Variants in ARHGAP33 observed in about 807,000 individuals in gnomAD.
ARHGAP33 encodes Rho GTPase activating protein 33, also known as rho GTPase-activating protein 33.
Under a neutral mutation model 126.2 loss-of-function variants are expected in ARHGAP33, and 57 were observed. That is an observed-to-expected ratio of 0.45 (90% CI 0.36 to 0.56). The LOEUF (loss-of-function observed/expected upper bound fraction) is 0.56, where lower values mean the gene tolerates loss of function less well. Ranked by LOEUF, ARHGAP33 falls within the 20% of genes least tolerant of loss-of-function variation. The pLI is 0.00. For missense variants in ARHGAP33, 1,500 were observed against 1,748.3 expected (o/e 0.86, Z 2.53); for synonymous variants, 711 against 755.0 (o/e 0.94, Z 0.95).
intron 15 of ARHGAP33, 70 bp from the exon 16 acceptor site, chr19:35,784,102 C>T: frequency 7.1e-7 from 1 of 1,403,310 alleles, no homozygotes; most frequent in South Asian, 1.3e-5. Flanking sequence ...CCTGGCTCCC[C>T]TCATTGCCCT....
Position 35,787,990 on chromosome 19 carries a change from C to G in ARHGAP33, c.3425C>G (p.Pro1142Arg). The G allele has an allele frequency of 6.5e-7, 1 of 1,546,342 alleles. No individual in the cohort carries two copies. Among genetic ancestry groups the G allele is most frequent in the South Asian group, 1.1e-5 (1 of 89,334 alleles). ...PDFLLSYPPA[P>R]SCFPPDHLGY... ...TTCCTGCTCAGCTACCCGCCAGCCC[C>G]CTCCTGCTTTCCCCCTGACCACCTT... is the stretch of plus-strand genomic sequence containing the variant. Residue 1142 changes from proline (P) to arginine (R), a missense_variant, in exon 21 of 21, where the codon CCC (proline) becomes CGC (arginine). By Grantham distance (103) the Pro-to-Arg change is moderately radical. This residue lies in a region of ARHGAP33 where 642 missense variants were observed against 634.0 expected (regional missense o/e 1.01). Transcript: ENST00000007510.
At position 35,782,068 on chromosome 19, in the gene ARHGAP33, A is replaced by T. The variant is rs892052916; in HGVS notation, c.1086-305A>T. On this transcript the variant is annotated intron_variant, in intron 12 of 20. Transcript: ENST00000007510. This position sits in a 1 kb window ranked among gnomAD's most constrained non-coding sequence, Gnocchi z 4.1. ...TTTCCAGTGCCCTCTTACAGCCAGG[A>T]GAATGGCAGCTGCATGGTAGGAGCT... Among the ~76,000 whole-genome samples, 6 of 152,294 alleles carry T rather than the reference A, an allele frequency of 3.9e-5. No homozygotes were observed. Among genetic ancestry groups the T allele is most frequent in the African/African-American group, 1.4e-4 (6 of 41,554 alleles).
chr19:35,786,832 G>T lies in ARHGAP33; in HGVS notation c.2362G>T (p.Ala788Ser), dbSNP rs767651865. 12 of 1,382,344 alleles carry T rather than the reference G, an allele frequency of 8.7e-6. No homozygotes were observed. Among genetic ancestry groups the T allele is most frequent in the Non-Finnish European group, 1.1e-5 (11 of 1,046,818 alleles). 85.6% of individuals were successfully genotyped at this position (1,382,344 alleles called of 1,614,324 possible). Reference sequence around the variant, plus strand: ...CTCGCCCCGGGGGCCCACCAGCCCCGCCTCGCCTGCTGCCCTAGACATCTC... The same window carrying T: ...CTCGCCCCGGGGGCCCACCAGCCCCTCCTCGCCTGCTGCCCTAGACATCTC... ...AISPRGPTSP[A>S]SPAALDISEP... The change falls in exon 20 of 21, where the codon GCC becomes TCC. Residue 788 changes from alanine (A) to serine (S), a missense_variant. This residue lies in a region of ARHGAP33 where 73 missense variants were observed against 110.8 expected (regional missense o/e 0.66). Coordinates refer to ENST00000007510, the MANE Select transcript of ARHGAP33 (RefSeq NM_001366178.1). This position sits in a 1 kb window ranked among gnomAD's most constrained non-coding sequence, Gnocchi z 7.0.
At chr19:35,783,154 G>A (rs1048849394) in intron 15 of ARHGAP33, among the ~76,000 whole-genome samples, 2 of 152,164 alleles carry the variant, frequency 1.3e-5, no homozygotes, top group Non-Finnish European at 2.9e-5. Context: ...GGGAAGGGCA[G>A]TGTGCAGGGT....
chr19:35,787,349 A>G lies in ARHGAP33; in HGVS notation c.2784A>G (p.Gln928=), dbSNP rs756260638. ...GTGGGGGCACCCCACCTGCTTCCCA[A>G]TCCCCCTTCCACCGCTCGCTGTCTC... ...QECGGTPPAS[Q]SPFHRSLSLE... Residue 928 remains glutamine (Q), a synonymous_variant, in exon 21 of 21, where the codon CAA becomes CAG. Transcript: ENST00000007510. The G allele has an allele frequency of 2.4e-4, 388 of 1,610,820 alleles. 1 individual carries two copies. The highest frequency in any genetic ancestry group is 3.1e-4 in the Non-Finnish European group (368 of 1,178,610).
intron 12 of ARHGAP33, 73 bp downstream of exon 12, chr19:35,781,325 T>C: frequency 6.9e-7 from 1 of 1,454,202 alleles, no homozygotes; most frequent in South Asian, 1.1e-5. Flanking sequence ...CCGTGCTGCA[T>C]GCTGGGGACA....
At chr19:35,785,891 G>T in intron 19 of ARHGAP33, 1 of 1,114,252 alleles carries the variant, frequency 9.0e-7, no homozygotes, top group African/African-American at 1.7e-5. Context: ...AGGTGTGTGT[G>T]TAAGGATCAT....
chr19:35,784,686 C>A, intron 16 of ARHGAP33: 5 of 1,250,150 alleles, frequency 4.0e-6, no homozygotes, highest in Non-Finnish European at 4.0e-6. Context: ...CTCAGCACGT[C>A]GGAGGGCCCT....
chr19:35,782,626 G>A lies in ARHGAP33; in HGVS notation c.1260G>A (p.Glu420=). 6.2e-7 allele frequency: 1 copy of A among 1,613,758 alleles called. No homozygotes were observed. Among genetic ancestry groups the A allele is most frequent in the South Asian group, 1.1e-5 (1 of 91,034 alleles). The change falls in exon 14 of 21, where the codon GAG becomes GAA. Residue 420 remains glutamate (E), a synonymous_variant. Coordinates refer to ENST00000007510, the MANE Select transcript of ARHGAP33 (RefSeq NM_001366178.1). The surrounding 1 kb of genome is among the most constrained non-coding windows in gnomAD (Gnocchi z 4.1). ...CCATGTCAGTGCCTGGGGAGGAGGA[G>A]CGTCTGGTGCGGGTGCACGATGTCA... ...SEAMSVPGEE[E]RLVRVHDVIQ...
chr19:35,780,364 G>A (rs754932307), intron 7 of ARHGAP33, 31 bp downstream of exon 7: 3 of 1,612,482 alleles, frequency 1.9e-6, no homozygotes, highest in Non-Finnish European at 1.7e-6. Flanking sequence ...ATTCCAGCTG[G>A]GCTCCCCACA....
rs554372814 is a variant in ARHGAP33 at position 35,787,442 on chromosome 19, G to A, written c.2877G>A (p.Pro959=). The change falls in exon 21 of 21, where the codon CCG becomes CCA. Residue 959 remains proline (P), a synonymous_variant. Transcript: ENST00000007510. ...CACCTCCCAACTCCCTAGCACACCC[G>A]GGTGCCTGGGTCCCGGGACCCCCAC... ...SGPPPNSLAH[P]GAWVPGPPPY... The A allele has an allele frequency of 2.1e-5, 34 of 1,611,984 alleles. No individual in the cohort carries two copies. The highest frequency in any genetic ancestry group is 8.4e-5 in the Admixed American group (5 of 59,848).
rs1295230499 is a variant in ARHGAP33 at position 35,777,712 on chromosome 19, G to T, written c.74G>T (p.Gly25Val). The T allele has an allele frequency of 6.2e-7, 1 of 1,607,094 alleles. No homozygotes were observed. The highest frequency in any genetic ancestry group is 1.3e-5 in the African/African-American group (1 of 74,890). ...GTGCAGCCTCTACCCACTGCTGGGG[G>T]GCCCAGTGTGAAGGGGAAGCCTGGG... ...GSVQPLPTAG[G>V]PSVKGKPGKR... The change falls in exon 2 of 21, where the codon GGG becomes GTG. Residue 25 changes from glycine (G) to valine (V), a missense_variant. Gly to Val is a moderately radical substitution (Grantham distance 109, BLOSUM62 -3). Transcript: ENST00000007510.
rs748958050 is a variant in ARHGAP33, at chr19:35,784,311, C to T, written c.1561C>T (p.Pro521Ser). The T allele has an allele frequency of 6.3e-7, 1 of 1,574,972 alleles. No individual in the cohort carries two copies. Among genetic ancestry groups the T allele is most frequent in the Non-Finnish European group, 8.6e-7 (1 of 1,158,770 alleles). Residue 521 changes from proline to serine, a missense_variant, in exon 16 of 21, where the codon CCT (proline) becomes TCT (serine). Around this residue, in one of 6 missense-constraint regions of ARHGAP33, gnomAD observed 300 missense variants for 291.1 expected, o/e 1.03. Transcript: ENST00000007510. Reference protein sequence around the residue: ...SDTFTSAGLDPAGRCLLPRPK... With the variant: ...SDTFTSAGLDSAGRCLLPRPK... ...CACCTTCACCTCCGCCGGCCTCGAC[C>T]CTGCAGGTATGCCCTCCCACCCCCT... is the stretch of plus-strand genomic sequence containing the variant.
rs2146747545 is a variant in ARHGAP33, at chr19:35,786,405, C to T, written c.1943-8C>T. The T allele has an allele frequency of 6.6e-7, 1 of 1,525,478 alleles. No homozygotes were observed. The highest frequency in any genetic ancestry group is 1.2e-5 in the South Asian group (1 of 82,456). The allele number at this position is 1,525,478 out of a possible 1,614,324, so 94.5% of individuals were successfully genotyped here. On this transcript the variant is annotated splice_region_variant and splice_polypyrimidine_tract_variant and intron_variant, in intron 19 of 20. Coordinates refer to ENST00000007510, the MANE Select transcript of ARHGAP33 (RefSeq NM_001366178.1). This position sits in a 1 kb window ranked among gnomAD's most constrained non-coding sequence, Gnocchi z 7.0. ...TCAGGGATGGTCTCACTGACCCCAC[C>T]CCTCCAGGCCTCCAGAGGCTGCACA...
rs78210368 is a variant in ARHGAP33, at chr19:35,787,444, G to C, written c.2879G>C (p.Gly960Ala). Residue 960 changes from glycine (G) to alanine (A), a missense_variant, in exon 21 of 21, where the codon GGT (glycine) becomes GCT (alanine). Gly to Ala is a moderately conservative substitution (Grantham distance 60). Coordinates refer to ENST00000007510, the MANE Select transcript of ARHGAP33 (RefSeq NM_001366178.1). Reference protein sequence around the residue: ...GPPPNSLAHPGAWVPGPPPYL... With the variant: ...GPPPNSLAHPAAWVPGPPPYL... ...CCTCCCAACTCCCTAGCACACCCGG[G>C]TGCCTGGGTCCCGGGACCCCCACCC... 9.2e-4 allele frequency: 1,486 copies of C among 1,612,172 alleles called. 24 individuals are homozygous for C. The East Asian group carries it at 0.031, about 34-fold the overall frequency.
rs1971411074 is a variant in ARHGAP33, at chr19:35,775,618, A to G, written c.-41A>G. Reference sequence around the variant, plus strand: ...GCAGCGGCGACGAGAACGGCGAGCGAGGGGTCGAGCGCGGCCGGGGCCTGA... The same window carrying G: ...GCAGCGGCGACGAGAACGGCGAGCGGGGGGTCGAGCGCGGCCGGGGCCTGA... On this transcript the variant is annotated 5_prime_UTR_variant, in exon 1 of 21. Transcript: ENST00000007510. 1 of 1,506,614 alleles carries G rather than the reference A, an allele frequency of 6.6e-7. No individual in the cohort carries two copies. Among genetic ancestry groups the G allele is most frequent in the African/African-American group, 1.5e-5 (1 of 68,818 alleles). The allele number at this position is 1,506,614 out of a possible 1,614,324, so 93.3% of individuals were successfully genotyped here.
chr19:35,780,029 C>A, intron 6 of ARHGAP33, 182 bp from the exon 7 acceptor site: 1 of 865,042 alleles, frequency 1.2e-6, no homozygotes, highest in Non-Finnish European at 1.9e-6. Context: ...GTTTCCCCAC[C>A]CGCAGAGGGT....
At chr19:35,783,563 G>A (rs1202346352) in intron 15 of ARHGAP33, among the ~76,000 whole-genome samples, 2 of 152,142 alleles carry the variant, frequency 1.3e-5, no homozygotes, top group Non-Finnish European at 2.9e-5. Context: ...GGCCTGGGCC[G>A]GTGCCTGGTG....
At chr19:35,784,834 T>C in intron 16 of ARHGAP33, 119 bp from the exon 17 acceptor site, 1 of 1,170,554 alleles carries the variant, frequency 8.5e-7, no homozygotes. Context: ...CCCGGCCCCC[T>C]GCCTTGCCAG....
Sources: allele counts gnomAD v4.1 joint callset (sites outside exome capture counted in the v4.1 genomes callset), GRCh38; gene constraint gnomAD v4.1.1; regional missense constraint gnomAD v4.1.1; non-coding constraint Gnocchi (gnomAD v3.1); transcripts MANE v1.5; gene names NCBI Gene and HGNC (gene_info 2026-07-23, HGNC 2026-07-21).